MDM1: variants seen among roughly 807,000 people sequenced by gnomAD.
MDM1 encodes the protein stabilizer of axonemal microtubules 6, also known as Mdm1 nuclear protein.
In MDM1, 61 loss-of-function variants were observed where a neutral mutation model predicts 89.1. That is an observed-to-expected ratio of 0.68 (90% CI 0.56 to 0.85). The LOEUF (loss-of-function observed/expected upper bound fraction) is 0.85. Among genes scored for constraint, MDM1 ranks in the 40% least tolerant of loss-of-function variants. The pLI is 0.00. For missense variants in MDM1, 820 were observed against 846.5 expected, an observed-to-expected ratio of 0.97 and a Z score of 0.39; for synonymous variants, 290 against 294.1, an observed-to-expected ratio of 0.99 and a Z score of 0.14.
chr12:68,331,716 G>A (rs1247202279), intron 1 of MDM1, among the ~76,000 whole-genome samples: 1 of 152,152 alleles, frequency 6.6e-6, no homozygotes, highest in African/African-American at 2.4e-5. Context: ...GAAGTTGCAG[G>A]GTGCTAGTCC....
chr12:68,315,161 A>C lies in MDM1; in HGVS notation c.1316T>G (p.Leu439Trp). The change falls in exon 10 of 15, where the codon TTG (leucine) becomes TGG (tryptophan). Residue 439 changes from leucine to tryptophan, a missense_variant. Physicochemically the swap from Leu to Trp is moderately conservative, Grantham distance 61 (BLOSUM62 -2). Coordinates refer to ENST00000682720, the MANE Select transcript of MDM1 (RefSeq NM_001354969.2). ...EQPQKNTTEK[L>W]GVSAPTIPVR... is the part of the protein sequence containing the mutation. The stretch of plus-strand genomic sequence containing the variant: ...GGGTATGGTGGGAGCTGACACACCC[A>C]ATTTCTCCGTGGTATTTTTCTGGGG... 6.2e-7 allele frequency: 1 copy of C among 1,613,706 alleles called. No individual in the cohort carries two copies.
At chr12:68,315,753 CTTT>C (rs1874401122) in intron 9 of MDM1, among the ~76,000 whole-genome samples, 1 of 152,178 alleles carries the variant, frequency 6.6e-6, no homozygotes, top group Non-Finnish European at 1.5e-5. Flanking sequence ...GCAGTCTCTA[CTTT>C]TTTATTGTTG....
chr12:68,326,441 T>A, intron 3 of MDM1: 3 of 1,463,012 alleles, frequency 2.1e-6, no homozygotes, highest in South Asian at 3.0e-5. Context: ...ATAAACAGAT[T>A]ATCATAGTAC....
chr12:68,298,099 G>C (rs749117110), intron 13 of MDM1, among the ~76,000 whole-genome samples: 2 of 152,108 alleles, frequency 1.3e-5, no homozygotes, highest in Non-Finnish European at 2.9e-5. Context: ...GTGCTCTTTT[G>C]CAAGCAGCAC....
intron 3 of MDM1, chr12:68,326,303 T>A (rs1875967055): frequency 1.5e-6 from 2 of 1,308,320 alleles, no homozygotes; most frequent in East Asian, 2.9e-5. Flanking sequence ...AGGGGCTAGG[T>A]AGAAGTCAGC....
chr12:68,321,304 G>A, intron 7 of MDM1, 43 bp downstream of exon 7: 1 of 1,475,792 alleles, frequency 6.8e-7, no homozygotes, highest in Non-Finnish European at 9.3e-7. Context: ...TGTTAACAGA[G>A]GCTGAAAGAA....
chr12:68,313,822 C>A, intron 10 of MDM1, 69 bp from the exon 11 acceptor site: 1 of 1,323,578 alleles, frequency 7.6e-7, no homozygotes, highest in Non-Finnish European at 1.1e-6. Flanking sequence ...AAATACTTTG[C>A]CATCATTGTG....
chr12:68,332,284 A>C lies in MDM1; in HGVS notation c.-39T>G. ...GGAGCCCCCGCTACTCCGACAGTTA[A>C]CTGGAGAAAAAGCTCCGAGGGGGCG... is the stretch of plus-strand genomic sequence containing the variant. On this transcript the variant is annotated 5_prime_UTR_variant, in exon 1 of 15. Coordinates refer to ENST00000682720, the MANE Select transcript of MDM1 (RefSeq NM_001354969.2). 1 of 1,572,910 alleles carries C rather than the reference A, an allele frequency of 6.4e-7. No homozygotes were observed. The highest frequency in any genetic ancestry group is 8.6e-7 in the Non-Finnish European group (1 of 1,160,312).
chr12:68,295,208 A>T lies in MDM1; in HGVS notation c.*46T>A, dbSNP rs111398015. ...AATTTTAACACAGTAAGCAATAAAG[A>T]AAAATTATGCCAATGTTTCCTTAGA... On this transcript the variant is annotated 3_prime_UTR_variant, in exon 15 of 15. Coordinates refer to ENST00000682720, the MANE Select transcript of MDM1 (RefSeq NM_001354969.2). 4,141 of 1,323,400 alleles carry T rather than the reference A, an allele frequency of 3.1e-3. 96 individuals are homozygous for T. The African/African-American group carries it at 0.053, about 17-fold the overall frequency. 82.0% of individuals were successfully genotyped at this position (1,323,400 alleles called of 1,614,324 possible). A position where few individuals can be genotyped will look rare whatever the true frequency, so the allele number is the denominator to read the frequency against.
chr12:68,313,454 C>A lies in MDM1; in HGVS notation c.1738G>T (p.Asp580Tyr). Residue 580 changes from aspartate to tyrosine, a missense_variant, in exon 12 of 15, where the codon GAT (aspartate) becomes TAT (tyrosine). Asp to Tyr is a radical substitution (Grantham distance 160). Transcript: ENST00000682720. ...SQDCLETSKNDFTKKESRAVS... is the reference protein window; with the variant it reads ...SQDCLETSKNYFTKKESRAVS... Reference sequence around the variant, plus strand: ...CAAAACATGTTTACCTTAGTAAAATCATTCTTTGAAGTTTCTAAACAATCC... The same window carrying A: ...CAAAACATGTTTACCTTAGTAAAATAATTCTTTGAAGTTTCTAAACAATCC... The A allele has an allele frequency of 6.2e-7, 1 of 1,611,188 alleles. No individual in the cohort carries two copies. The highest frequency in any genetic ancestry group is 1.1e-5 in the South Asian group (1 of 90,814).
chr12:68,297,699 C>T (rs960784807), intron 13 of MDM1, among the ~76,000 whole-genome samples: 10 of 152,136 alleles, frequency 6.6e-5, no homozygotes, highest in Non-Finnish European at 1.3e-4. Context: ...ACCAGAGATA[C>T]TTTGACTGAA....
chr12:68,323,433 A>G (rs1875510718), intron 4 of MDM1, 193 bp from the exon 5 acceptor site: 1 of 457,270 alleles, frequency 2.2e-6, no homozygotes, highest in Non-Finnish European at 3.8e-6. Flanking sequence ...TATGTTTTGA[A>G]TAACAGTTTT....
At chr12:68,323,467 C>A (rs1875515682) in intron 4 of MDM1, 2 of 382,684 alleles carry the variant, frequency 5.2e-6, no homozygotes, top group Non-Finnish European at 9.2e-6. Context: ...AGCTTATAAT[C>A]AAAATAAACG....
Position 68,313,673 on chromosome 12 carries a change from G to A in MDM1, c.1610C>T (p.Thr537Ile). 6.2e-7 allele frequency: 1 copy of A among 1,614,122 alleles called. No homozygotes were observed. Among genetic ancestry groups the A allele is most frequent in the Non-Finnish European group, 8.5e-7 (1 of 1,179,990 alleles). ...AGCTGGAGTAGTGAGATCATGATGAGTCCTCTGGATTCCACCAAGTTCTCT... is the reference window on the plus strand; with the variant it reads ...AGCTGGAGTAGTGAGATCATGATGAATCCTCTGGATTCCACCAAGTTCTCT... Reference protein sequence around the residue: ...KLRELGGIQRTHHDLTTPAVG... With the variant: ...KLRELGGIQRIHHDLTTPAVG... The change falls in exon 11 of 15, where the codon ACT (threonine) becomes ATT (isoleucine). Residue 537 changes from threonine to isoleucine, a missense_variant. Thr to Ile is a moderately conservative substitution (Grantham distance 89). Transcript: ENST00000682720.
chr12:68,324,596 T>C (rs954361764), intron 4 of MDM1, among the ~76,000 whole-genome samples: 3 of 152,156 alleles, frequency 2.0e-5, no homozygotes, highest in Non-Finnish European at 2.9e-5. Context: ...CTGTCAGTTC[T>C]TACGGCTATA....
Position 68,302,734 on chromosome 12 carries a change from T to C in MDM1, c.1888A>G (p.Lys630Glu), listed in dbSNP as rs1017679032. 4.3e-6 allele frequency: 7 copies of C among 1,613,920 alleles called. No homozygotes were observed. Among genetic ancestry groups the C allele is most frequent in the Non-Finnish European group, 5.9e-6 (7 of 1,180,016 alleles). The part of the protein sequence containing the change: ...EATLPVSKIP[K>E]YPTNPPGQLP... ...TGTCCAGGGGGATTTGTTGGGTATT[T>C]TGGAATTTTTGAAACTGGAAGAGTT... Residue 630 changes from lysine to glutamate, a missense_variant, in exon 13 of 15, where the codon AAA becomes GAA. Physicochemically the swap from Lys to Glu is moderately conservative, Grantham distance 56. Transcript: ENST00000682720.
At chr12:68,331,584 G>T (rs1876826793) in intron 1 of MDM1, among the ~76,000 whole-genome samples, 1 of 152,066 alleles carries the variant, frequency 6.6e-6, no homozygotes, top group South Asian at 2.1e-4. Flanking sequence ...ACAATATTAT[G>T]TACCATGCCT....
At chr12:68,330,276 G>A (rs559742483) in intron 2 of MDM1, among the ~76,000 whole-genome samples, 1 of 151,888 alleles carries the variant, frequency 6.6e-6, no homozygotes, top group South Asian at 2.1e-4. Flanking sequence ...CTGAGGGTCA[G>A]GCTGCTATTT....
intron 12 of MDM1, among the ~76,000 whole-genome samples, chr12:68,308,464 T>C (rs928158183): frequency 6.6e-6 from 1 of 152,160 alleles, no homozygotes; most frequent in African/African-American, 2.4e-5. Context: ...CTGCCCCAGA[T>C]CTCTGCATGG....
Sources: gnomAD v4.1 joint callset for allele counts (sites outside exome capture counted in the v4.1 genomes callset) on GRCh38, gnomAD v4.1.1 for gene constraint, MANE v1.5 for transcripts, NCBI Gene and HGNC (gene_info 2026-07-23, HGNC 2026-07-21) for gene names.